USP15: variants seen among roughly 807,000 people sequenced by gnomAD.
USP15 encodes the protein ubiquitin specific peptidase 15.
A neutral mutation model predicts 127.1 loss-of-function variants in USP15; 18 were observed. That is an observed-to-expected ratio of 0.14 (90% CI 0.10 to 0.21). USP15 has a LOEUF of 0.21. USP15 is among the 10% of genes least tolerant of loss of function. The probability of loss-of-function intolerance (pLI) is 1.00; values close to 1 mark genes in which losing one functional copy is unlikely to be tolerated. For synonymous variants in USP15, 364 were observed against 393.7 expected (o/e 0.92, Z 0.89); for missense variants, 805 against 1,159.9 (o/e 0.69, Z 4.44).
chr12:62,316,783 C>CAGAAAGAACCCAA (rs1350893621), intron 4 of USP15, among the ~76,000 whole-genome samples: 2 of 151,990 alleles, frequency 1.3e-5, no homozygotes, highest in Non-Finnish European at 2.9e-5. Context: ...GAATTCAAAA[C>CAGAAAGAACCCAA]AAGAATTATG....
intron 15 of USP15, 58 bp downstream of exon 15, chr12:62,391,037 A>C: frequency 6.5e-7 from 1 of 1,547,746 alleles, no homozygotes; most frequent in South Asian, 1.2e-5. Flanking sequence ...CCTCAGAGAA[A>C]AAGTTAAGAA....
At chr12:62,288,488 CAAAG>C (rs1416949772) in intron 1 of USP15, among the ~76,000 whole-genome samples, 1 of 151,458 alleles carries the variant, frequency 6.6e-6, no homozygotes, top group Non-Finnish European at 1.5e-5. Context: ...GTTCGTTTCT[CAAAG>C]AAGTCTTCGT....
intron 3 of USP15, among the ~76,000 whole-genome samples, chr12:62,310,302 G>C (rs1194488662): frequency 6.6e-6 from 1 of 151,752 alleles, no homozygotes; most frequent in Non-Finnish European, 1.5e-5. Flanking sequence ...TAGTCACCCT[G>C]CTCTGCTACC....
chr12:62,343,134 G>A (rs1378336685), intron 6 of USP15, among the ~76,000 whole-genome samples: 1 of 152,186 alleles, frequency 6.6e-6, no homozygotes, highest in African/African-American at 2.4e-5. Flanking sequence ...GGAATGTAGA[G>A]AAGCAGTCTG....
chr12:62,369,743 T>C (rs1348507967), intron 8 of USP15, among the ~76,000 whole-genome samples: 2 of 152,220 alleles, frequency 1.3e-5, no homozygotes, highest in Non-Finnish European at 2.9e-5. Context: ...AGAAGACTTC[T>C]AATAAGTATT....
In USP15 at chr12:62,384,296, T is replaced by A. The variant is rs2067074850; in HGVS notation, c.1467T>A (p.Pro489=). The A allele has an allele frequency of 6.3e-7, 1 of 1,593,140 alleles. No homozygotes were observed. The highest frequency in any genetic ancestry group is 8.6e-7 in the Non-Finnish European group (1 of 1,169,306). ...YLVRMDPLTK[P]MQYKVVVPKI... is the part of the protein sequence containing the mutation. ...TTAGAATGGATCCACTTACCAAACC[T>A]ATGCAGGTAAATCATGGGTTGGTTT... The change falls in exon 11 of 22, where the codon CCT becomes CCA. Residue 489 remains proline (P), a synonymous_variant. Coordinates refer to ENST00000280377, the MANE Select transcript of USP15 (RefSeq NM_001252078.2).
At chr12:62,286,514 T>A (rs1291417528) in intron 1 of USP15, among the ~76,000 whole-genome samples, 2 of 152,188 alleles carry the variant, frequency 1.3e-5, no homozygotes, top group Non-Finnish European at 2.9e-5. Context: ...CGCTCAGCAG[T>A]CCCATTACTA....
At chr12:62,301,523 T>C (rs537620834) in intron 2 of USP15, among the ~76,000 whole-genome samples, 1 of 152,212 alleles carries the variant, frequency 6.6e-6, no homozygotes, top group Non-Finnish European at 1.5e-5. Flanking sequence ...AATTAAGTAT[T>C]GATATGTAAA....
At chr12:62,311,282 A>G (rs190467819) in intron 3 of USP15, among the ~76,000 whole-genome samples, 95 of 152,004 alleles carry the variant, frequency 6.2e-4, no homozygotes, top group Non-Finnish European at 1.0e-3. Context: ...TTACTGGGTA[A>G]AATTAAAGAA....
At chr12:62,267,472 C>G (rs2063223165) in intron 1 of USP15, among the ~76,000 whole-genome samples, 1 of 152,084 alleles carries the variant, frequency 6.6e-6, no homozygotes, top group African/African-American at 2.4e-5. Flanking sequence ...TTGATTATGT[C>G]TAGACTGCCT....
At chr12:62,267,050 T>C (rs2063208528) in intron 1 of USP15, 1 of 152,160 alleles carries the variant, frequency 6.6e-6, no homozygotes, top group African/African-American at 2.4e-5. Flanking sequence ...AATATTTCAT[T>C]AAACCATGGG....
In USP15 at chr12:62,409,742, A is replaced by G. The variant is rs1158186518; in HGVS notation, c.*5367A>G. 6.6e-6 allele frequency: 1 copy of G among 152,148 alleles called. No homozygotes were observed. The highest frequency in any genetic ancestry group is 1.5e-5 in the Non-Finnish European group (1 of 67,994). 9.4% of individuals were successfully genotyped at this position (152,148 alleles called of 1,614,324 possible). ...CCCAACAGTCTTTCCCACAATGTGT[A>G]TTATTACATTATTCTCAGTAATGAC... On this transcript the variant is annotated 3_prime_UTR_variant, in exon 22 of 22. Coordinates refer to ENST00000280377, the MANE Select transcript of USP15 (RefSeq NM_001252078.2).
chr12:62,410,640 T>TCCA lies in USP15; in HGVS notation c.*6269_*6271dup, dbSNP rs773264407. ...GAAACATTCTACACTTACAACAACTTCCACCATAGCTAGCTCCAAACAGGT... is the reference window on the plus strand; with the variant it reads ...GAAACATTCTACACTTACAACAACTTCCACCACCATAGCTAGCTCCAAACAGGT... On this transcript the variant is annotated 3_prime_UTR_variant, in exon 22 of 22. Coordinates refer to ENST00000280377, the MANE Select transcript of USP15 (RefSeq NM_001252078.2). 5.9e-5 allele frequency: 9 copies of TCCA among 152,108 alleles called. No homozygotes were observed. In the East Asian group the frequency reaches 9.6e-4, roughly 16 times the overall value. The allele number at this position is 152,108 out of a possible 1,614,324, so 9.4% of individuals were successfully genotyped here.
chr12:62,372,042 T>C (rs975510865), intron 8 of USP15, among the ~76,000 whole-genome samples: 2 of 152,120 alleles, frequency 1.3e-5, no homozygotes, highest in African/African-American at 2.4e-5. Flanking sequence ...ATAAAAATAA[T>C]GTGTTCGGTA....
intron 1 of USP15, among the ~76,000 whole-genome samples, chr12:62,260,727 A>AGCGGCG (rs879098451): frequency 6.6e-6 from 1 of 151,920 alleles, no homozygotes; most frequent in Admixed American, 6.5e-5. Flanking sequence ...GTATCCGGGG[A>AGCGGCG]GCGGCGGCGG....
At chr12:62,395,484 T>C (rs2067457744) in intron 19 of USP15, among the ~76,000 whole-genome samples, 1 of 152,154 alleles carries the variant, frequency 6.6e-6, no homozygotes, top group Admixed American at 6.5e-5. Context: ...CTCAAGCGTT[T>C]ATCGTTTGTG....
chr12:62,376,855 G>C (rs1449524057), intron 8 of USP15, among the ~76,000 whole-genome samples: 1 of 151,998 alleles, frequency 6.6e-6, no homozygotes, highest in East Asian at 1.9e-4. Context: ...CAGGATAAAA[G>C]GGAAGTTTTC....
chr12:62,411,343 T>A lies in USP15; in HGVS notation c.*6968T>A, dbSNP rs1008302645. On this transcript the variant is annotated 3_prime_UTR_variant, in exon 22 of 22. Transcript: ENST00000280377. ...AGCAAACCATCTGTTCTGTATCTGT[T>A]AAGGCCTCTAGAGCTTCATTCATTC... 4 of 152,188 alleles carry A rather than the reference T, an allele frequency of 2.6e-5. No homozygotes were observed. The highest frequency in any genetic ancestry group is 9.7e-5 in the African/African-American group (4 of 41,448). 9.4% of individuals were successfully genotyped at this position (152,188 alleles called of 1,614,324 possible).
At chr12:62,355,251 A>G in intron 7 of USP15, 80 bp from the exon 8 acceptor site, 1 of 1,247,848 alleles carries the variant, frequency 8.0e-7, no homozygotes, top group Non-Finnish European at 1.1e-6. Context: ...CACATATCTC[A>G]TAAATAGGCC....
Sources: allele counts gnomAD v4.1 joint callset (sites outside exome capture counted in the v4.1 genomes callset), GRCh38; gene constraint gnomAD v4.1.1; transcripts MANE v1.5; gene names NCBI Gene and HGNC (gene_info 2026-07-23, HGNC 2026-07-21).